SLC44A5: variants seen among roughly 807,000 people sequenced by gnomAD.
The protein encoded by SLC44A5 is choline transporter-like protein 5.
A neutral mutation model predicts 101.8 loss-of-function variants in SLC44A5; 57 were observed. The observed-to-expected ratio is 0.56, with a 90% CI of 0.45 to 0.70. The LOEUF is 0.70. Ranked by LOEUF, SLC44A5 falls within the 30% of genes least tolerant of loss-of-function variation. SLC44A5 has a pLI of 0.00. For missense variants in SLC44A5, 737 were observed against 853.1 expected (o/e 0.86, Z 1.70); for synonymous variants, 281 against 290.9 (o/e 0.97, Z 0.35).
intron 3 of SLC44A5, among the ~76,000 whole-genome samples, chr1:75,344,769 A>G (rs1658125904): frequency 6.6e-6 from 1 of 152,140 alleles, no homozygotes; most frequent in Non-Finnish European, 1.5e-5. Flanking sequence ...ATTGAGATGT[A>G]TTTTGGACTT....
At chr1:75,417,710 C>G (rs74089229) in intron 2 of SLC44A5, among the ~76,000 whole-genome samples, 3 of 152,072 alleles carry the variant, frequency 2.0e-5, no homozygotes, top group Non-Finnish European at 4.4e-5. Flanking sequence ...TAAAAACATA[C>G]GTTTGAAAGA....
At chr1:75,447,753 C>G (rs1321090994) in intron 2 of SLC44A5, among the ~76,000 whole-genome samples, 1 of 151,772 alleles carries the variant, frequency 6.6e-6, no homozygotes, top group Non-Finnish European at 1.5e-5. Flanking sequence ...TAATTTTTTG[C>G]CTTATTTGCA....
At chr1:75,628,851 C>G in the SLC44A5 span, among the ~76,000 whole-genome samples, 1 of 152,116 alleles carries the variant, frequency 6.6e-6, no homozygotes, top group African/African-American at 2.4e-5. Flanking sequence ...TACTCCTACA[C>G]TATAACATGG....
At chr1:75,580,520 T>G (rs1285758966) in intron 1 of SLC44A5, among the ~76,000 whole-genome samples, 1 of 152,184 alleles carries the variant, frequency 6.6e-6, no homozygotes, top group Admixed American at 6.5e-5. Flanking sequence ...TTGGTTCTTC[T>G]GAAGAATTCA....
the SLC44A5 span, among the ~76,000 whole-genome samples, chr1:75,644,651 T>A: frequency 3.4e-4 from 51 of 150,320 alleles, no homozygotes; most frequent in Middle Eastern, 3.5e-3. Flanking sequence ...TATTTTTTTT[T>A]AATTATACTT....
intron 2 of SLC44A5, among the ~76,000 whole-genome samples, chr1:75,476,019 C>T (rs1175694939): frequency 6.6e-6 from 1 of 152,086 alleles, no homozygotes; most frequent in Non-Finnish European, 1.5e-5. Flanking sequence ...TCTGTCTCTA[C>T]TAAAAATACA....
the SLC44A5 span, among the ~76,000 whole-genome samples, chr1:75,680,879 A>G: frequency 1.3e-5 from 2 of 151,492 alleles, no homozygotes; most frequent in Non-Finnish European, 2.9e-5. Flanking sequence ...ACTAATAAAG[A>G]AAAAAAGAGA....
chr1:75,204,280 C>T (rs183842902), intron 23 of SLC44A5, among the ~76,000 whole-genome samples: 1 of 152,098 alleles, frequency 6.6e-6, no homozygotes, highest in Admixed American at 6.6e-5. Flanking sequence ...GAACATTGCC[C>T]TGGTTTTTCA....
chr1:75,595,999 A>C (rs1174415095), intron 1 of SLC44A5, among the ~76,000 whole-genome samples: 1 of 152,198 alleles, frequency 6.6e-6, no homozygotes, highest in Admixed American at 6.5e-5. Flanking sequence ...CTTTCTGAGA[A>C]TTTCTAACAT....
chr1:75,489,219 G>A (rs1668309299), intron 2 of SLC44A5, among the ~76,000 whole-genome samples: 1 of 151,020 alleles, frequency 6.6e-6, no homozygotes. Context: ...ATTTATACAT[G>A]AATTTAGAGA....
intron 7 of SLC44A5, among the ~76,000 whole-genome samples, chr1:75,249,794 GGAA>G (rs1301874513): frequency 1.3e-5 from 2 of 152,084 alleles, no homozygotes; most frequent in South Asian, 2.1e-4. Context: ...TTCTCCTTTG[GGAA>G]GAAGAAGTGT....
chr1:75,479,743 A>T (rs1317226462), intron 2 of SLC44A5, among the ~76,000 whole-genome samples: 1 of 152,222 alleles, frequency 6.6e-6, no homozygotes, highest in Admixed American at 6.5e-5. Context: ...AGGCTCTGAA[A>T]TTGTGGCAAT....
intron 2 of SLC44A5, among the ~76,000 whole-genome samples, chr1:75,417,850 G>A (rs895460030): frequency 3.9e-5 from 6 of 152,204 alleles, no homozygotes; most frequent in Admixed American, 6.5e-5. Flanking sequence ...AACCAACAAA[G>A]GAGACTAAGA....
the SLC44A5 span, among the ~76,000 whole-genome samples, chr1:75,667,323 C>T: frequency 6.6e-6 from 1 of 152,108 alleles, no homozygotes; most frequent in Non-Finnish European, 1.5e-5. Flanking sequence ...AACTCCCATT[C>T]ACAATTGCTA....
chr1:75,327,084 TA>T (rs1197078379), intron 4 of SLC44A5, among the ~76,000 whole-genome samples: 4 of 119,668 alleles, frequency 3.3e-5, no homozygotes, highest in Non-Finnish European at 7.1e-5. Flanking sequence ...TTCTAAGCTT[TA>T]TTTTTTTTTT....
chr1:75,508,430 A>T (rs1447430672), intron 2 of SLC44A5, among the ~76,000 whole-genome samples: 1 of 152,202 alleles, frequency 6.6e-6, no homozygotes, highest in African/African-American at 2.4e-5. Flanking sequence ...TTCTAACATC[A>T]TACCTAGAGG....
At chr1:75,231,300 T>C (rs968882838) in intron 12 of SLC44A5, among the ~76,000 whole-genome samples, 2 of 152,184 alleles carry the variant, frequency 1.3e-5, no homozygotes, top group South Asian at 2.1e-4. Context: ...TTTTAGCTCA[T>C]GAGTTATTTT....
At chr1:75,511,107 C>T (rs1209909889) in intron 2 of SLC44A5, among the ~76,000 whole-genome samples, 4 of 152,174 alleles carry the variant, frequency 2.6e-5, no homozygotes, top group Admixed American at 6.5e-5. Context: ...CGCGCAACTG[C>T]ACTCCAGCCT....
At chr1:75,285,096 A>G (rs1455835135) in intron 5 of SLC44A5, among the ~76,000 whole-genome samples, 1 of 151,944 alleles carries the variant, frequency 6.6e-6, no homozygotes, top group Non-Finnish European at 1.5e-5. Flanking sequence ...TTTTTCTTTG[A>G]ATGTCTGATA....
Sources: allele counts gnomAD v4.1 joint callset (sites outside exome capture counted in the v4.1 genomes callset), GRCh38; gene constraint gnomAD v4.1.1; transcripts MANE v1.5; gene names NCBI Gene and HGNC (gene_info 2026-07-23, HGNC 2026-07-21).